FUT8: variants seen among roughly 807,000 people sequenced by gnomAD.
FUT8 encodes alpha-(1,6)-fucosyltransferase.
FUT8 carries 29 observed loss-of-function variants against 71.3 expected under a neutral mutation model. The observed-to-expected ratio is 0.41, with a 90% confidence interval of 0.30 to 0.55. The LOEUF (loss-of-function observed/expected upper bound fraction) is 0.55. Among genes scored for constraint, FUT8 ranks in the 20% least tolerant of loss-of-function variants. The pLI, the probability that FUT8 is intolerant of heterozygous loss-of-function variation, is 0.34. For missense variants in FUT8, 544 were observed against 702.1 expected (o/e 0.77, Z 2.55); for synonymous variants, 254 against 239.3 (o/e 1.06, Z -0.57).
chr14:65,458,773 C>CTTTCT (rs568894068), intron 2 of FUT8, among the ~76,000 whole-genome samples: 1 of 149,082 alleles, frequency 6.7e-6, no homozygotes, highest in African/African-American at 2.5e-5. Flanking sequence ...TTTTCCTTTC[C>CTTTCT]TTTCTTTTCT....
chr14:65,620,781 T>A (rs771994047), intron 5 of FUT8, among the ~76,000 whole-genome samples: 7 of 152,248 alleles, frequency 4.6e-5, no homozygotes, highest in Non-Finnish European at 8.8e-5. Flanking sequence ...ATATTCTTTC[T>A]TGAATTTCGG....
At chr14:65,450,868 A>ATT (rs1232558695) in intron 1 of FUT8, among the ~76,000 whole-genome samples, 1 of 135,768 alleles carries the variant, frequency 7.4e-6, no homozygotes, top group Non-Finnish European at 1.6e-5. Flanking sequence ...CTTCCACCCT[A>ATT]TTTTTTTTTT....
At chr14:65,656,051 C>T (rs1396911961) in intron 6 of FUT8, among the ~76,000 whole-genome samples, 1 of 152,092 alleles carries the variant, frequency 6.6e-6, no homozygotes, top group African/African-American at 2.4e-5. Flanking sequence ...TGGAGCATGG[C>T]AAGGAGGCCC....
intron 2 of FUT8, among the ~76,000 whole-genome samples, chr14:65,470,516 C>A (rs898478162): frequency 6.6e-6 from 1 of 152,210 alleles, no homozygotes; most frequent in Non-Finnish European, 1.5e-5. Flanking sequence ...GGCTCCAGAT[C>A]CTTGCTGGAC....
At chr14:65,716,339 G>T (rs1464312359) in intron 7 of FUT8, among the ~76,000 whole-genome samples, 1 of 147,262 alleles carries the variant, frequency 6.8e-6, no homozygotes, top group Non-Finnish European at 1.5e-5. Context: ...ATATCTTCTT[G>T]ATGAATTGAT....
chr14:65,652,706 A>C lies in FUT8; in HGVS notation c.598-16537A>C, dbSNP rs375603621. Reference sequence around the variant, plus strand: ...GATGCACAAGCCAGGTGCCTGACACAATGGGGGTCAATATGTATTTATTGG... The same window carrying C: ...GATGCACAAGCCAGGTGCCTGACACCATGGGGGTCAATATGTATTTATTGG... On this transcript the variant is annotated intron_variant, in intron 6 of 10. Transcript: ENST00000673929. The surrounding 1 kb of genome is among the most constrained non-coding windows in gnomAD (Gnocchi z 4.0). 1.2e-4 allele frequency among the ~76,000 whole-genome samples: 19 copies of C among 152,182 alleles called. 3 individuals are homozygous for C. Among genetic ancestry groups the C allele is most frequent in the African/African-American group, 4.3e-4 (18 of 41,506 alleles).
chr14:65,501,217 A>G (rs150136435), intron 2 of FUT8, among the ~76,000 whole-genome samples: 19 of 152,320 alleles, frequency 1.2e-4, no homozygotes, highest in Non-Finnish European at 2.4e-4. Flanking sequence ...TCTCTACAGA[A>G]TTACAAACAA....
chr14:65,407,242 C>A (rs1474229588), upstream of FUT8, among the ~76,000 whole-genome samples: 1 of 152,168 alleles, frequency 6.6e-6, no homozygotes, highest in Non-Finnish European at 1.5e-5. Context: ...AAACTATGGT[C>A]AATTTTGATG....
chr14:65,696,367 A>G (rs1893997114), intron 7 of FUT8, among the ~76,000 whole-genome samples: 1 of 152,204 alleles, frequency 6.6e-6, no homozygotes, highest in Admixed American at 6.5e-5. Context: ...GAATTCAAAC[A>G]TCTTTATTCT....
intron 5 of FUT8, among the ~76,000 whole-genome samples, chr14:65,623,508 T>C (rs1889735491): frequency 6.6e-6 from 1 of 151,962 alleles, no homozygotes; most frequent in African/African-American, 2.4e-5. Flanking sequence ...CACATGAGGC[T>C]GGGAGTTTGA....
chr14:65,695,669 C>T (rs1893954595), intron 7 of FUT8, among the ~76,000 whole-genome samples: 2 of 147,968 alleles, frequency 1.4e-5, no homozygotes, highest in Non-Finnish European at 1.5e-5. Flanking sequence ...AGTTGGTCTT[C>T]TTTTTTTTTT....
the FUT8 span, among the ~76,000 whole-genome samples, chr14:65,388,079 T>C: frequency 6.6e-6 from 1 of 152,232 alleles, no homozygotes; most frequent in African/African-American, 2.4e-5. Flanking sequence ...TGTGATTTTA[T>C]AAGTAAGCAC....
chr14:65,616,153 A>G, intron 4 of FUT8, 58 bp from the exon 5 acceptor site: 7 of 1,594,312 alleles, frequency 4.4e-6, no homozygotes, highest in Non-Finnish European at 6.0e-6. Context: ...CAGATAATTG[A>G]AAGTTTCCTT....
chr14:65,378,837 GTTTTT>G, the FUT8 span, among the ~76,000 whole-genome samples: 2 of 66,830 alleles, frequency 3.0e-5, no homozygotes, highest in South Asian at 8.3e-4. Context: ...TCACAAGAAG[GTTTTT>G]TTTTTTTTTT....
intron 2 of FUT8, among the ~76,000 whole-genome samples, chr14:65,543,835 A>G (rs1237848908): frequency 2.0e-5 from 3 of 152,210 alleles, no homozygotes; most frequent in African/African-American, 4.8e-5. Context: ...TCTTTTGCAC[A>G]TAATTGCATA....
At chr14:65,644,079 T>G (rs11158607) in intron 6 of FUT8, among the ~76,000 whole-genome samples, 95,317 of 151,702 alleles carry the variant, frequency 0.63, 30,224 homozygotes, top group East Asian at 0.75. Context: ...CAAGATGGAA[T>G]TTCTTCTTCC....
intron 2 of FUT8, among the ~76,000 whole-genome samples, chr14:65,475,766 G>T (rs1312561152): frequency 6.6e-6 from 1 of 151,968 alleles, no homozygotes; most frequent in African/African-American, 2.4e-5. Flanking sequence ...CTCCGCAACA[G>T]AGTGAGACCT....
chr14:65,730,684 T>G (rs1895937008), intron 9 of FUT8, among the ~76,000 whole-genome samples: 1 of 151,988 alleles, frequency 6.6e-6, no homozygotes, highest in Non-Finnish European at 1.5e-5. Flanking sequence ...AAAAAAAAAT[T>G]GAGTTCATCC....
At chr14:65,699,199 C>T (rs1006607657) in intron 7 of FUT8, among the ~76,000 whole-genome samples, 8 of 140,868 alleles carry the variant, frequency 5.7e-5, no homozygotes, top group Admixed American at 2.1e-4. Flanking sequence ...CACACACACA[C>T]GCCCATGCAG....
Sources: gnomAD v4.1 joint callset for allele counts (sites outside exome capture counted in the v4.1 genomes callset) on GRCh38, gnomAD v4.1.1 for gene constraint, Gnocchi (gnomAD v3.1) non-coding constraint, MANE v1.5 for transcripts, NCBI Gene and HGNC (gene_info 2026-07-23, HGNC 2026-07-21) for gene names.